The following GRM5 variants were observed in gnomAD, a reference collection of about 807,000 sequenced individuals.
The protein encoded by GRM5 is metabotropic glutamate receptor 5.
In GRM5, 19 loss-of-function variants were observed where a neutral mutation model predicts 83.1. The ratio of observed to expected loss-of-function variants is 0.23; its 90% confidence interval spans 0.16 to 0.34. GRM5 has a LOEUF of 0.34. Ranked by LOEUF, GRM5 falls within the 10% of genes least tolerant of loss-of-function variation. The probability of loss-of-function intolerance (pLI) is 1.00; values close to 1 mark genes in which losing one functional copy is unlikely to be tolerated. For missense variants in GRM5, 1,160 were observed against 1,588.3 expected, an observed-to-expected ratio of 0.73 and a Z score of 4.58; for synonymous variants, 675 against 633.6, an observed-to-expected ratio of 1.07 and a Z score of -0.98.
intron 4 of GRM5, among the ~76,000 whole-genome samples, chr11:88,622,904 C>T (rs1938679215): frequency 6.6e-6 from 1 of 152,058 alleles, no homozygotes; most frequent in African/African-American, 2.4e-5. Context: ...AAGTTATTTA[C>T]TCTGTCTAAA....
At chr11:88,905,988 G>C (rs1004256295) in intron 2 of GRM5, among the ~76,000 whole-genome samples, 1 of 152,076 alleles carries the variant, frequency 6.6e-6, no homozygotes, top group Admixed American at 6.6e-5. Flanking sequence ...GACAAGATCT[G>C]AAAACTGTTA....
At chr11:88,923,897 CA>C (rs1309758881) in intron 2 of GRM5, among the ~76,000 whole-genome samples, 1 of 150,116 alleles carries the variant, frequency 6.7e-6, no homozygotes, top group Non-Finnish European at 1.5e-5. Flanking sequence ...TATATATTCA[CA>C]TACATATTAA....
intron 3 of GRM5, among the ~76,000 whole-genome samples, chr11:88,716,370 G>A (rs1159330031): frequency 6.6e-6 from 1 of 151,830 alleles, no homozygotes; most frequent in Non-Finnish European, 1.5e-5. Flanking sequence ...TTAGGGTGGT[G>A]GGTGGGTGAT....
chr11:88,805,266 A>T (rs753504086), intron 3 of GRM5, among the ~76,000 whole-genome samples: 11 of 152,094 alleles, frequency 7.2e-5, no homozygotes, highest in Non-Finnish European at 2.9e-5. Flanking sequence ...ATCTCGGCTC[A>T]CTGCAACCTC....
In GRM5 at chr11:88,587,964, G is replaced by T. The variant is rs1006166771; in HGVS notation, c.1690+2637C>A. On this transcript the variant is annotated intron_variant, in intron 7 of 9. Coordinates refer to ENST00000305447, the MANE Select transcript of GRM5 (RefSeq NM_001143831.3). ...CTTTTCTCTTGTTAGTTTGTGTTTTGTTCCAAGGATTTAATCCACAAACCT... is the reference window on the plus strand; with the variant it reads ...CTTTTCTCTTGTTAGTTTGTGTTTTTTTCCAAGGATTTAATCCACAAACCT... Among the ~76,000 whole-genome samples the T allele has an allele frequency of 5.3e-5, 8 of 151,946 alleles. 1 individual carries two copies. The highest frequency in any genetic ancestry group is 4.2e-4 in the South Asian group (2 of 4,806).
chr11:88,567,985 G>A lies in GRM5; in HGVS notation c.1698C>T (p.Asp566=), dbSNP rs368626021. Residue 566 remains aspartate (D), a synonymous_variant, in exon 8 of 10, where the codon GAC becomes GAT. Transcript: ENST00000305447. The surrounding 1 kb of genome is among the most constrained non-coding windows in gnomAD (Gnocchi z 7.3). ...SWPTDDLTGC[D]LIPVQYLRWG... ...ATCGAAGATACTGTACTGGGATCAA[G>A]TCACAACCTGCAGAGACACAAACAC... is the stretch of plus-strand genomic sequence containing the variant. The A allele has an allele frequency of 1.2e-5, 20 of 1,605,964 alleles. No individual in the cohort carries two copies. Among genetic ancestry groups the A allele is most frequent in the East Asian group, 4.5e-5 (2 of 44,688 alleles).
chr11:88,836,649 G>A (rs1049621253), intron 3 of GRM5, among the ~76,000 whole-genome samples: 3 of 152,086 alleles, frequency 2.0e-5, no homozygotes, highest in African/African-American at 7.2e-5. Flanking sequence ...ACAAAAATTA[G>A]CTGGGCATGG....
intron 2 of GRM5, among the ~76,000 whole-genome samples, chr11:89,009,625 G>A (rs1342757734): frequency 6.6e-6 from 1 of 151,564 alleles, no homozygotes; most frequent in African/African-American, 2.4e-5. Context: ...GGCCGGGCGC[G>A]GTGGCTCACG....
chr11:88,770,837 C>A (rs1344157589), intron 3 of GRM5, among the ~76,000 whole-genome samples: 2 of 152,062 alleles, frequency 1.3e-5, no homozygotes, highest in East Asian at 3.9e-4. Context: ...TAAGTACAAT[C>A]ATGTGATAAT....
intron 3 of GRM5, among the ~76,000 whole-genome samples, chr11:88,821,587 T>G (rs2135509949): frequency 6.6e-6 from 1 of 152,264 alleles, no homozygotes; most frequent in East Asian, 1.9e-4. Context: ...GATAGGTCAT[T>G]TGATATTCCC....
chr11:88,708,901 C>G (rs989270002), intron 3 of GRM5, among the ~76,000 whole-genome samples: 1 of 152,044 alleles, frequency 6.6e-6, no homozygotes, highest in African/African-American at 2.4e-5. Context: ...GTGGTAGGAA[C>G]TAAGTTACAG....
At chr11:88,770,495 ACTT>A (rs1179751460) in intron 3 of GRM5, among the ~76,000 whole-genome samples, 6 of 152,098 alleles carry the variant, frequency 3.9e-5, no homozygotes, top group Non-Finnish European at 4.4e-5. Flanking sequence ...TGAATCTAAA[ACTT>A]CTCTTAAAAA....
chr11:88,974,678 T>G (rs1301389131), intron 2 of GRM5, among the ~76,000 whole-genome samples: 3 of 152,150 alleles, frequency 2.0e-5, no homozygotes, highest in Admixed American at 2.0e-4. Context: ...CTATCATGAT[T>G]TTTTGTCTTA....
chr11:88,796,783 T>C (rs1943283147), intron 3 of GRM5, among the ~76,000 whole-genome samples: 1 of 152,072 alleles, frequency 6.6e-6, no homozygotes. Context: ...TGTCACAAGT[T>C]GACTTCTGTG....
intron 2 of GRM5, among the ~76,000 whole-genome samples, chr11:88,951,342 C>A (rs1173481140): frequency 1.3e-5 from 2 of 152,152 alleles, no homozygotes; most frequent in Non-Finnish European, 2.9e-5. Context: ...GGGATATTGA[C>A]AAATTAGATT....
chr11:88,960,785 A>G (rs1460898597), intron 2 of GRM5, among the ~76,000 whole-genome samples: 1 of 152,224 alleles, frequency 6.6e-6, no homozygotes. Context: ...CTAAAATAAC[A>G]TCACAGATCT....
At position 88,653,380 on chromosome 11, in the gene GRM5, T is replaced by A. The variant is rs1255827812; in HGVS notation, c.935A>T (p.Asp312Val). 1 of 1,612,128 alleles carries A rather than the reference T, an allele frequency of 6.2e-7. No individual in the cohort carries two copies. Among genetic ancestry groups the A allele is most frequent in the Admixed American group, 1.7e-5 (1 of 59,860 alleles). ...LGSDGWADRY[D>V]VTDGYQREAV... ...TTCTCGCTGATATCCATCTGTCACA[T>A]CATACCTGTCAGCCCAGCCATCACT... Residue 312 changes from aspartate to valine, a missense_variant, in exon 4 of 10, where the codon GAT (aspartate) becomes GTT (valine). Transcript: ENST00000305447.
chr11:89,045,781 C>G (rs1941629245), intron 2 of GRM5, among the ~76,000 whole-genome samples: 1 of 152,076 alleles, frequency 6.6e-6, no homozygotes, highest in Admixed American at 6.6e-5. Context: ...TGATGCAAAC[C>G]AAAACATACC....
intron 1 of GRM5, chr11:89,063,427 A>AAATCCT (rs1942037702): frequency 6.6e-6 from 1 of 152,244 alleles, no homozygotes; most frequent in Non-Finnish European, 1.5e-5. Flanking sequence ...TATAGATCCT[A>AAATCCT]AATCCTTCTC....
Sources: gnomAD v4.1 joint callset for allele counts (sites outside exome capture counted in the v4.1 genomes callset) on GRCh38, gnomAD v4.1.1 for gene constraint, Gnocchi (gnomAD v3.1) non-coding constraint, MANE v1.5 for transcripts, NCBI Gene and HGNC (gene_info 2026-07-23, HGNC 2026-07-21) for gene names.